Variants in IGFALS observed in about 807,000 individuals in gnomAD.
IGFALS encodes insulin like growth factor binding protein acid labile subunit.
IGFALS carries 2 observed loss-of-function variants against 2.6 expected under a neutral mutation model. The ratio of observed to expected loss-of-function variants is 0.77; its 90% CI spans 0.32 to 2.44. The LOEUF (loss-of-function observed/expected upper bound fraction) is 2.44. Among genes scored for constraint, IGFALS ranks in the 30% most tolerant of loss-of-function variants. IGFALS has a pLI of 0.11. For missense variants in IGFALS, 996 were observed against 848.7 expected (o/e 1.17, Z -2.16); for synonymous variants, 519 against 431.9 (o/e 1.20, Z -2.50).
chr16:1,791,674 G>A lies in IGFALS; in HGVS notation c.744C>T (p.Tyr248=). ...CGGCAGCGATGAGGTTGCGGTCCAG[G>A]TAGAGTTTCTGGAGCCGGGGCAGCT... ...FVQLPRLQKL[Y]LDRNLIAAVA... is the part of the protein sequence containing the mutation. The change falls in exon 2 of 2, where the codon TAC becomes TAT. Residue 248 remains tyrosine, a synonymous_variant. Coordinates refer to ENST00000215539, the MANE Select transcript of IGFALS (RefSeq NM_004970.3). 1 of 1,583,152 alleles carries A rather than the reference G, an allele frequency of 6.3e-7. No homozygotes were observed.
chr16:1,794,071 C>G (rs923163369), upstream of IGFALS, among the ~76,000 whole-genome samples: 1 of 152,060 alleles, frequency 6.6e-6, no homozygotes, highest in Non-Finnish European at 1.5e-5. Context: ...GGGGGCTCCT[C>G]GGGCAGCTCC....
rs770643157 is a variant in IGFALS at position 1,792,051 on chromosome 16, T to C, written c.367A>G (p.Asn123Asp). ...LEPQALLGLE[N>D]LCHLHLERNQ... ...CGCTCCAGGTGCAGGTGGCACAGGT[T>C]CTCTAGGCCCAGCAGCGCCTGTGGC... The change falls in exon 2 of 2, where the codon AAC (asparagine) becomes GAC (aspartate). Residue 123 changes from asparagine to aspartate, a missense_variant. By Grantham distance (23) the Asn-to-Asp change is conservative. Coordinates refer to ENST00000215539, the MANE Select transcript of IGFALS (RefSeq NM_004970.3). The C allele has an allele frequency of 1.9e-6, 3 of 1,610,574 alleles. No homozygotes were observed. Among genetic ancestry groups the C allele is most frequent in the Non-Finnish European group, 2.5e-6 (3 of 1,179,440 alleles).
At position 1,790,966 on chromosome 16, in the gene IGFALS, G is replaced by A. The variant is rs908610548; in HGVS notation, c.1452C>T (p.Ala484=). Residue 484 remains alanine (A), a synonymous_variant, in exon 2 of 2, where the codon GCC becomes GCT. Coordinates refer to ENST00000215539, the MANE Select transcript of IGFALS (RefSeq NM_004970.3). ...GGTTGTGCGAGACGTCCAGCCAGAA[G>A]GCCCGCTGCAGGGGGCCCAGGGCGT... ...PADALGPLQR[A]FWLDVSHNRL... is the part of the protein sequence containing the mutation. 1 of 1,597,042 alleles carries A rather than the reference G, an allele frequency of 6.3e-7. No homozygotes were observed. The highest frequency in any genetic ancestry group is 8.5e-7 in the Non-Finnish European group (1 of 1,179,114).
chr16:1,790,860 T>G lies in IGFALS; in HGVS notation c.1558A>C (p.Thr520Pro). The change falls in exon 2 of 2, where the codon ACC (threonine) becomes CCC (proline). Residue 520 changes from threonine (T) to proline (P), a missense_variant. Transcript: ENST00000215539. ...AGGCCCGGGGGCTGCGGCGTGAAGG[T>G]CCGCAGTGAGTTGTTCCTGAGGCTG... ...YLSLRNNSLR[T>P]FTPQPPGLER... is the part of the protein sequence containing the mutation. 1 of 1,567,134 alleles carries G rather than the reference T, an allele frequency of 6.4e-7. No homozygotes were observed. Among genetic ancestry groups the G allele is most frequent in the Non-Finnish European group, 8.6e-7 (1 of 1,157,590 alleles).
At position 1,791,891 on chromosome 16, in the gene IGFALS, T is replaced by G. The variant is rs758794261; in HGVS notation, c.527A>C (p.Asn176Thr). 6.4e-7 allele frequency: 1 copy of G among 1,570,166 alleles called. No individual in the cohort carries two copies. The highest frequency in any genetic ancestry group is 2.4e-5 in the East Asian group (1 of 42,438). The change falls in exon 2 of 2, where the codon AAC becomes ACC. Residue 176 changes from asparagine (N) to threonine (T), a missense_variant. Asn to Thr is a moderately conservative substitution (Grantham distance 65, BLOSUM62 0). Transcript: ENST00000215539. Reference protein sequence around the residue: ...FEGLGSLWDLNLGWNSLAVLP... With the variant: ...FEGLGSLWDLTLGWNSLAVLP... ...CACCGCCAGGCTATTCCAGCCGAGGTTGAGGTCCCAGAGGCTGCCGAGGCC... is the reference window on the plus strand; with the variant it reads ...CACCGCCAGGCTATTCCAGCCGAGGGTGAGGTCCCAGAGGCTGCCGAGGCC...
chr16:1,790,433 C>T lies in IGFALS; in HGVS notation c.*167G>A. ...GCCTGTTAGATTCGATTGCCTTTGC[C>T]TTTAATTGATGACAGCTGGGGGGGC... is the stretch of plus-strand genomic sequence containing the variant. On this transcript the variant is annotated 3_prime_UTR_variant, in exon 2 of 2. Transcript: ENST00000215539. The T allele has an allele frequency of 1.5e-6, 1 of 689,058 alleles. No homozygotes were observed. The highest frequency in any genetic ancestry group is 2.6e-6 in the Non-Finnish European group (1 of 382,776). The allele number at this position is 689,058 out of a possible 1,614,324, so 42.7% of individuals were successfully genotyped here. A position where few individuals can be genotyped will look rare whatever the true frequency, so the allele number is the denominator to read the frequency against.
Position 1,791,292 on chromosome 16 carries a change from T to C in IGFALS, c.1126A>G (p.Asn376Asp). Reference sequence around the variant, plus strand: ...CCCCGGAACACCTGCTCCGGAAGGTTCCGGAGACAGTTCCCAGAGAGGTTC... The same window carrying C: ...CCCCGGAACACCTGCTCCGGAAGGTCCCGGAGACAGTTCCCAGAGAGGTTC... ...VMNLSGNCLR[N>D]LPEQVFRGLG... is the part of the protein sequence containing the mutation. The change falls in exon 2 of 2, where the codon AAC (asparagine) becomes GAC (aspartate). Residue 376 changes from asparagine to aspartate, a missense_variant. Coordinates refer to ENST00000215539, the MANE Select transcript of IGFALS (RefSeq NM_004970.3). 6.2e-7 allele frequency: 1 copy of C among 1,609,082 alleles called. No homozygotes were observed. The highest frequency in any genetic ancestry group is 8.5e-7 in the Non-Finnish European group (1 of 1,179,922).
chr16:1,793,445 A>C (rs1436776405), intron 1 of IGFALS, among the ~76,000 whole-genome samples, 192 bp downstream of exon 1: 1 of 152,006 alleles, frequency 6.6e-6, no homozygotes, highest in Non-Finnish European at 1.5e-5. Flanking sequence ...CCCTGGTGCC[A>C]GGCACAGCTG....
chr16:1,792,768 G>A (rs1897263729), intron 1 of IGFALS, among the ~76,000 whole-genome samples: 1 of 152,244 alleles, frequency 6.6e-6, no homozygotes. Flanking sequence ...CTAGAGGAAG[G>A]GGAGGGAACT....
rs753624458 is a variant in IGFALS at position 1,791,583 on chromosome 16, C to G, written c.835G>C (p.Ala279Pro). Residue 279 changes from alanine (A) to proline (P), a missense_variant, in exon 2 of 2, where the codon GCT (alanine) becomes CCT (proline). Ala to Pro is a conservative substitution (Grantham distance 27, BLOSUM62 -1). Transcript: ENST00000215539. ...GGGAACGTGTCCTCCAGGAGGCCAGCCACGCGGTTGTGGGACAGGTCCAGC... is the reference window on the plus strand; with the variant it reads ...GGGAACGTGTCCTCCAGGAGGCCAGGCACGCGGTTGTGGGACAGGTCCAGC... ...RWLDLSHNRV[A>P]GLLEDTFPGL... 6.4e-7 allele frequency: 1 copy of G among 1,563,326 alleles called. No homozygotes were observed. Among genetic ancestry groups the G allele is most frequent in the Non-Finnish European group, 8.7e-7 (1 of 1,155,776 alleles).
upstream of IGFALS, among the ~76,000 whole-genome samples, chr16:1,794,650 G>T (rs1447807127): frequency 3.9e-5 from 6 of 152,294 alleles, no homozygotes; most frequent in East Asian, 1.2e-3. Context: ...GCCTGAGCAG[G>T]TGCAGCCCCT....
Position 1,791,801 on chromosome 16 carries a change from A to G in IGFALS, c.617T>C (p.Leu206Pro), listed in dbSNP as rs1409215402. The G allele has an allele frequency of 7.1e-6, 11 of 1,548,730 alleles. No homozygotes were observed. The stretch of plus-strand genomic sequence containing the variant: ...GAAGAGCGCGGGCTGCAGGTAGGCC[A>G]GCCTGTTGCCCGCCAGCACCAGCTC... ...LRELVLAGNR[L>P]AYLQPALFSG... Residue 206 changes from leucine to proline, a missense_variant, in exon 2 of 2, where the codon CTG (leucine) becomes CCG (proline). Coordinates refer to ENST00000215539, the MANE Select transcript of IGFALS (RefSeq NM_004970.3).
Position 1,791,941 on chromosome 16 carries a change from G to T in IGFALS, c.477C>A (p.Ser159Arg). 1 of 1,590,398 alleles carries T rather than the reference G, an allele frequency of 6.3e-7. No individual in the cohort carries two copies. The change falls in exon 2 of 2, where the codon AGC becomes AGA. Residue 159 changes from serine to arginine, a missense_variant. Ser to Arg is a moderately radical substitution (Grantham distance 110, BLOSUM62 -1). Transcript: ENST00000215539. ...ASLGLSNNRLSRLEDGLFEGL... is the reference protein window; with the variant it reads ...ASLGLSNNRLRRLEDGLFEGL... ...CCTCGAAGAGCCCGTCCTCCAGCCT[G>T]CTCAGACGGTTGTTGCTGAGGCCGA...
At position 1,791,234 on chromosome 16, in the gene IGFALS, C is replaced by T; in HGVS notation, c.1184G>A (p.Gly395Asp). 6.2e-7 allele frequency: 1 copy of T among 1,608,648 alleles called. No homozygotes were observed. The highest frequency in any genetic ancestry group is 8.5e-7 in the Non-Finnish European group (1 of 1,179,916). The change falls in exon 2 of 2, where the codon GGC (glycine) becomes GAC (aspartate). Residue 395 changes from glycine (G) to aspartate (D), a missense_variant. Coordinates refer to ENST00000215539, the MANE Select transcript of IGFALS (RefSeq NM_004970.3). ...CGGGCGGATGCGTCCCAGGCAGCTG[C>T]CCTCCAGGTGCAGGCTGTGCAGCTT... ...LGKLHSLHLEGSCLGRIRPHT... is the reference protein window; with the variant it reads ...LGKLHSLHLEDSCLGRIRPHT...
chr16:1,794,888 G>C (rs529295455), upstream of IGFALS: 6 of 702,192 alleles, frequency 8.5e-6, no homozygotes, highest in Non-Finnish European at 1.6e-5. Flanking sequence ...CACTGTCATC[G>C]TCTTCCCTTT....
In IGFALS at chr16:1,790,442, A is replaced by T. The variant is rs1044014988; in HGVS notation, c.*158T>A. On this transcript the variant is annotated 3_prime_UTR_variant, in exon 2 of 2. Coordinates refer to ENST00000215539, the MANE Select transcript of IGFALS (RefSeq NM_004970.3). ...ATTCGATTGCCTTTGCCTTTAATTG[A>T]TGACAGCTGGGGGGGCCGCCATGCC... The T allele has an allele frequency of 1.3e-5, 9 of 701,020 alleles. No homozygotes were observed. Among genetic ancestry groups the T allele is most frequent in the Non-Finnish European group, 2.0e-5 (8 of 392,448 alleles). 43.4% of individuals were successfully genotyped at this position (701,020 alleles called of 1,614,324 possible). A position where few individuals can be genotyped will look rare whatever the true frequency, so the allele number is the denominator to read the frequency against.
rs568872022 is a variant in IGFALS at position 1,792,014 on chromosome 16, C to G, written c.404G>C (p.Arg135Pro). Residue 135 changes from arginine to proline, a missense_variant, in exon 2 of 2, where the codon CGC becomes CCC. Transcript: ENST00000215539. ...TGCAAACGTGCCGAGTGCCAGGCTG[C>G]GCAGCTGGTTCCGCTCCAGGTGCAG... ...CHLHLERNQL[R>P]SLALGTFAHT... The G allele has an allele frequency of 6.2e-7, 1 of 1,609,382 alleles. No individual in the cohort carries two copies. Among genetic ancestry groups the G allele is most frequent in the African/African-American group, 1.3e-5 (1 of 74,904 alleles).
chr16:1,793,713 AC>A, upstream of IGFALS: 1 of 1,514,694 alleles, frequency 6.6e-7, no homozygotes, highest in East Asian at 2.4e-5. Flanking sequence ...TGTGCCGGCC[AC>A]CCCTGCCCTC....
upstream of IGFALS, among the ~76,000 whole-genome samples, chr16:1,793,957 G>A (rs1353502101): frequency 6.6e-6 from 1 of 152,158 alleles, no homozygotes; most frequent in East Asian, 1.9e-4. Flanking sequence ...GGGGAGGGCT[G>A]GGCAGCCAGG....
Sources: allele counts gnomAD v4.1 joint callset (sites outside exome capture counted in the v4.1 genomes callset), GRCh38; gene constraint gnomAD v4.1.1; transcripts MANE v1.5; gene names NCBI Gene and HGNC (gene_info 2026-07-23, HGNC 2026-07-21).